ETV6: variants seen among roughly 807,000 people sequenced by gnomAD.
ETV6 encodes the protein ETS variant transcription factor 6, also known as transcription factor ETV6.
ETV6 carries 16 observed loss-of-function variants against 51.1 expected under a neutral mutation model. The observed-to-expected ratio is 0.31, with a 90% CI of 0.21 to 0.48. The LOEUF (loss-of-function observed/expected upper bound fraction) is 0.48, where lower values mean the gene tolerates loss of function less well. Ranked by LOEUF, ETV6 falls within the 20% of genes least tolerant of loss-of-function variation. The pLI is 0.99. For missense variants in ETV6, 458 were observed against 594.8 expected (o/e 0.77, Z 2.39); for synonymous variants, 240 against 224.1 (o/e 1.07, Z -0.64).
intron 2 of ETV6, among the ~76,000 whole-genome samples, chr12:11,756,992 G>A (rs986742506): frequency 6.6e-6 from 1 of 152,078 alleles, no homozygotes; most frequent in Non-Finnish European, 1.5e-5. Context: ...GTGTCCATTT[G>A]GCCTTCTAAA....
chr12:11,752,762 T>C, intron 2 of ETV6, 183 bp downstream of exon 2: 1 of 584,180 alleles, frequency 1.7e-6, no homozygotes, highest in Non-Finnish European at 2.8e-6. Context: ...GAGGTTCCTG[T>C]TCCTTGTTTC....
At chr12:11,845,999 A>AAAG (rs887853778) in intron 3 of ETV6, among the ~76,000 whole-genome samples, 1 of 151,854 alleles carries the variant, frequency 6.6e-6, no homozygotes, top group Non-Finnish European at 1.5e-5. Flanking sequence ...CTCAAAAAAA[A>AAAG]AAAAAAGAAA....
At chr12:11,781,070 T>C (rs1217297828) in intron 2 of ETV6, among the ~76,000 whole-genome samples, 3 of 152,244 alleles carry the variant, frequency 2.0e-5, no homozygotes, top group Non-Finnish European at 4.4e-5. Flanking sequence ...ACTTGCCTCA[T>C]GATACAACAG....
chr12:11,715,669 A>G (rs781409220), intron 1 of ETV6, among the ~76,000 whole-genome samples: 4 of 152,196 alleles, frequency 2.6e-5, no homozygotes, highest in South Asian at 2.1e-4. Flanking sequence ...GAGGTCACAC[A>G]TTGTTTTCCT....
intron 3 of ETV6, among the ~76,000 whole-genome samples, chr12:11,842,394 C>T (rs1221527838): frequency 1.5e-5 from 2 of 135,990 alleles, no homozygotes; most frequent in Non-Finnish European, 3.1e-5. Context: ...TCTGTCATGG[C>T]CCTTGACACA....
intron 1 of ETV6, among the ~76,000 whole-genome samples, chr12:11,710,155 A>G (rs1486787526): frequency 2.0e-5 from 3 of 152,172 alleles, no homozygotes; most frequent in African/African-American, 7.2e-5. Context: ...CTGTAAAAGC[A>G]AGGCCAGCTT....
At chr12:11,880,884 A>G (rs916542156) in intron 5 of ETV6, among the ~76,000 whole-genome samples, 3 of 152,162 alleles carry the variant, frequency 2.0e-5, no homozygotes, top group Admixed American at 1.3e-4. Context: ...CTATAGGGAG[A>G]CATAGGAGGG....
chr12:11,863,742 C>T (rs1028503794), intron 4 of ETV6, among the ~76,000 whole-genome samples: 2 of 152,202 alleles, frequency 1.3e-5, no homozygotes, highest in Non-Finnish European at 2.9e-5. Context: ...CTCTGCCTGC[C>T]GGCTCTGGTC....
intron 3 of ETV6, among the ~76,000 whole-genome samples, chr12:11,843,600 C>T: frequency 6.6e-6 from 1 of 152,194 alleles, no homozygotes; most frequent in Non-Finnish European, 1.5e-5. Flanking sequence ...ATGGAAACAA[C>T]ATTCTTTAAC....
chr12:11,698,580 C>T (rs908887116), intron 1 of ETV6, among the ~76,000 whole-genome samples: 1 of 135,326 alleles, frequency 7.4e-6, no homozygotes, highest in African/African-American at 2.8e-5. Flanking sequence ...TAGACACCCA[C>T]AACATGGCAG....
At chr12:11,705,023 CAG>C (rs1446028681) in intron 1 of ETV6, among the ~76,000 whole-genome samples, 1 of 152,052 alleles carries the variant, frequency 6.6e-6, no homozygotes, top group African/African-American at 2.4e-5. Flanking sequence ...GAGAATGAAA[CAG>C]TGGTTAATGC....
intron 5 of ETV6, 61 bp downstream of exon 5, chr12:11,870,030 C>T: frequency 3.9e-6 from 6 of 1,530,714 alleles, no homozygotes; most frequent in Non-Finnish European, 5.3e-6. Context: ...TCCCACTCTC[C>T]CCTGTGATCT....
intron 2 of ETV6, among the ~76,000 whole-genome samples, chr12:11,757,817 A>G (rs115008902): frequency 0.011 from 1,601 of 152,314 alleles, 35 homozygotes; most frequent in African/African-American, 0.037. Flanking sequence ...AGTTGTGCTG[A>G]ATCCTCAGCA....
At chr12:11,803,120 G>C (rs1393294207) in intron 2 of ETV6, among the ~76,000 whole-genome samples, 1 of 152,174 alleles carries the variant, frequency 6.6e-6, no homozygotes, top group East Asian at 1.9e-4. Flanking sequence ...GGAGGCCTCT[G>C]TCAGTCCCAA....
At chr12:11,668,748 G>A (rs893694996) in intron 1 of ETV6, among the ~76,000 whole-genome samples, 1 of 152,214 alleles carries the variant, frequency 6.6e-6, no homozygotes, top group Admixed American at 6.5e-5. Context: ...TTCCCCCTGT[G>A]GCTTCCTATT....
chr12:11,695,558 A>G (rs982399598), intron 1 of ETV6, among the ~76,000 whole-genome samples: 7 of 152,228 alleles, frequency 4.6e-5, no homozygotes, highest in African/African-American at 1.7e-4. Context: ...GAGAAGGACT[A>G]GTTTCTTTAA....
At chr12:11,854,411 C>G (rs1946601825) in intron 4 of ETV6, among the ~76,000 whole-genome samples, 1 of 152,134 alleles carries the variant, frequency 6.6e-6, no homozygotes, top group Non-Finnish European at 1.5e-5. Context: ...GGGACCCCGC[C>G]TTAGAAATCC....
At chr12:11,821,344 C>T (rs1946078194) in intron 2 of ETV6, among the ~76,000 whole-genome samples, 1 of 151,992 alleles carries the variant, frequency 6.6e-6, no homozygotes, top group Non-Finnish European at 1.5e-5. Context: ...CCAGCCTGGG[C>T]AACAGAGTGA....
chr12:11,837,676 C>T (rs10505762), intron 2 of ETV6, among the ~76,000 whole-genome samples: 26,301 of 152,180 alleles, frequency 0.17, 2,490 homozygotes, highest in South Asian at 0.35. Context: ...GTGAAGTCTT[C>T]GTAGCAAGTT....
Sources: gnomAD v4.1 joint callset for allele counts (sites outside exome capture counted in the v4.1 genomes callset) on GRCh38, gnomAD v4.1.1 for gene constraint, MANE v1.5 for transcripts, NCBI Gene and HGNC (gene_info 2026-07-23, HGNC 2026-07-21) for gene names.